The following PLCL1 variants were observed in gnomAD, a reference collection of about 807,000 sequenced individuals.
The protein encoded by PLCL1 is inactive phospholipase C-like protein 1.
A neutral mutation model predicts 84.4 loss-of-function variants in PLCL1; 41 were observed. The ratio of observed to expected loss-of-function variants is 0.49; its 90% CI spans 0.38 to 0.63. The LOEUF is 0.63. Ranked by LOEUF, PLCL1 falls within the 30% of genes least tolerant of loss-of-function variation. The probability of loss-of-function intolerance (pLI) is 0.00; values close to 1 mark genes in which losing one functional copy is unlikely to be tolerated. For synonymous variants in PLCL1, 490 were observed against 488.3 expected, an observed-to-expected ratio of 1.00 and a Z score of -0.05; for missense variants, 1,206 against 1,367.8, an observed-to-expected ratio of 0.88 and a Z score of 1.87.
intron 1 of PLCL1, among the ~76,000 whole-genome samples, chr2:198,069,230 C>T (rs1692406661): frequency 6.6e-6 from 1 of 151,384 alleles, no homozygotes; most frequent in Non-Finnish European, 1.5e-5. Flanking sequence ...GTGGCTCATG[C>T]CTGTAATCCC....
intron 1 of PLCL1, among the ~76,000 whole-genome samples, chr2:197,849,775 C>T (rs1687191378): frequency 6.6e-6 from 1 of 152,024 alleles, no homozygotes; most frequent in Admixed American, 6.6e-5. Flanking sequence ...ATAAAAGGAA[C>T]TGAGCACATC....
At chr2:197,872,082 C>T (rs764755528) in intron 1 of PLCL1, among the ~76,000 whole-genome samples, 9 of 152,116 alleles carry the variant, frequency 5.9e-5, no homozygotes, top group African/African-American at 1.2e-4. Flanking sequence ...GTGAGTAACT[C>T]GGACTAATAT....
chr2:197,977,755 A>T (rs898429812), intron 1 of PLCL1, among the ~76,000 whole-genome samples: 3 of 152,112 alleles, frequency 2.0e-5, no homozygotes, highest in Non-Finnish European at 4.4e-5. Flanking sequence ...TTATTGTAGC[A>T]TTTGGGATCC....
intron 1 of PLCL1, among the ~76,000 whole-genome samples, chr2:197,921,611 T>C (rs1688699986): frequency 6.6e-6 from 1 of 152,210 alleles, no homozygotes; most frequent in Non-Finnish European, 1.5e-5. Context: ...CAAGCATACC[T>C]GTACTTACCC....
At position 197,809,430 on chromosome 2, in the gene PLCL1, C is replaced by T. The variant is rs77367124; in HGVS notation, c.240+4091C>T. Among the ~76,000 whole-genome samples, 1,108 of 152,268 alleles carry T rather than the reference C, an allele frequency of 7.3e-3. 22 individuals are homozygous for T. Among genetic ancestry groups the T allele is most frequent in the African/African-American group, 0.025 (1,041 of 41,526 alleles). On this transcript the variant is annotated intron_variant, in intron 1 of 5. Transcript: ENST00000428675. ...CACGTGAGATAGTGACAGAAGAGTA[C>T]GCATCTTAGGTCCTATGGTTTGTGG... is the stretch of plus-strand genomic sequence containing the variant.
At chr2:197,958,606 G>A (rs1327904535) in intron 1 of PLCL1, among the ~76,000 whole-genome samples, 2 of 152,070 alleles carry the variant, frequency 1.3e-5, no homozygotes, top group Non-Finnish European at 2.9e-5. Context: ...ACTTCAAGAT[G>A]TGACACTCTG....
Position 198,103,952 on chromosome 2 carries a change from A to C in PLCL1, c.3105+16A>C. The C allele has an allele frequency of 3.8e-6, 5 of 1,300,320 alleles. No homozygotes were observed. Among genetic ancestry groups the C allele is most frequent in the Non-Finnish European group, 4.4e-6 (4 of 910,402 alleles). 80.5% of individuals were successfully genotyped at this position (1,300,320 alleles called of 1,614,324 possible). ...AGTATTGAAGGTAGATGAAACACTC[A>C]GATGTCCCCTGTGCCTTTACTTTTC... On this transcript the variant is annotated intron_variant, in intron 5 of 5. Transcript: ENST00000428675.
At chr2:198,047,573 G>T (rs952217233) in intron 1 of PLCL1, among the ~76,000 whole-genome samples, 1 of 152,156 alleles carries the variant, frequency 6.6e-6, no homozygotes, top group Non-Finnish European at 1.5e-5. Flanking sequence ...ATAGGACCTA[G>T]GTAGGGAGGC....
chr2:197,914,056 TAGAG>T (rs775488319), intron 1 of PLCL1, among the ~76,000 whole-genome samples: 4 of 152,252 alleles, frequency 2.6e-5, no homozygotes, highest in Non-Finnish European at 5.9e-5. Context: ...AGACTAGAAA[TAGAG>T]AGAGTTGAAG....
intron 1 of PLCL1, among the ~76,000 whole-genome samples, chr2:197,921,723 CTTT>C (rs1160493373): frequency 1.3e-5 from 2 of 152,176 alleles, no homozygotes; most frequent in East Asian, 1.9e-4. Flanking sequence ...ACATACACTT[CTTT>C]GAGTTTAATG....
At chr2:198,036,885 A>C (rs1436022319) in intron 1 of PLCL1, among the ~76,000 whole-genome samples, 1 of 152,198 alleles carries the variant, frequency 6.6e-6, no homozygotes, top group Admixed American at 6.5e-5. Flanking sequence ...ACCTTGCATA[A>C]AGGTTCTTCC....
At chr2:197,827,798 T>TTAAG (rs1040935625) in intron 1 of PLCL1, among the ~76,000 whole-genome samples, 13 of 152,178 alleles carry the variant, frequency 8.5e-5, no homozygotes, top group African/African-American at 2.9e-4. Flanking sequence ...AGCACTGTTG[T>TTAAG]TAAGTGTTCA....
intron 1 of PLCL1, among the ~76,000 whole-genome samples, chr2:197,822,624 G>C (rs2106419709): frequency 6.6e-6 from 1 of 152,258 alleles, no homozygotes; most frequent in East Asian, 1.9e-4. Flanking sequence ...CCCATTTCAT[G>C]GATGAGGAAG....
intron 1 of PLCL1, among the ~76,000 whole-genome samples, chr2:197,808,894 A>T (rs1690532059): frequency 6.6e-6 from 1 of 152,208 alleles, no homozygotes; most frequent in Non-Finnish European, 1.5e-5. Context: ...GGCAAGGAAG[A>T]ATAGAAATTG....
Position 198,103,916 on chromosome 2 carries a change from T to C in PLCL1, c.3085T>C (p.Trp1029Arg), listed in dbSNP as rs1322889782. Reference protein sequence around the residue: ...KLNKATESFAWNITVLKGQGD... With the variant: ...KLNKATESFARNITVLKGQGD... Reference sequence around the variant, plus strand: ...CAACAAAGCAACTGAGAGCTTTGCTTGGAACATTACAGTATTGAAGGTAGA... The same window carrying C: ...CAACAAAGCAACTGAGAGCTTTGCTCGGAACATTACAGTATTGAAGGTAGA... The change falls in exon 5 of 6, where the codon TGG becomes CGG. Residue 1029 changes from tryptophan (W) to arginine (R), a missense_variant. Physicochemically the swap from Trp to Arg is moderately radical, Grantham distance 101. Coordinates refer to ENST00000428675, the MANE Select transcript of PLCL1 (RefSeq NM_006226.4). 6.3e-7 allele frequency: 1 copy of C among 1,598,732 alleles called. No individual in the cohort carries two copies. The highest frequency in any genetic ancestry group is 1.1e-5 in the South Asian group (1 of 89,714).
Position 198,050,930 on chromosome 2 carries a change from T to C in PLCL1, c.241-32828T>C, listed in dbSNP as rs185577205. Among the ~76,000 whole-genome samples, 4 of 152,336 alleles carry C rather than the reference T, an allele frequency of 2.6e-5. No individual in the cohort carries two copies. In the East Asian group the frequency reaches 7.7e-4, roughly 29 times the overall value. ...GTGAGCTGTGTTTGATTTTCTGAAATTGGGTTTCCGCAAATGGTCATATTT... is the reference window on the plus strand; with the variant it reads ...GTGAGCTGTGTTTGATTTTCTGAAACTGGGTTTCCGCAAATGGTCATATTT... On this transcript the variant is annotated intron_variant, in intron 1 of 5. Coordinates refer to ENST00000428675, the MANE Select transcript of PLCL1 (RefSeq NM_006226.4).
At chr2:198,086,977 T>G (rs941535221) in intron 2 of PLCL1, among the ~76,000 whole-genome samples, 9 of 152,296 alleles carry the variant, frequency 5.9e-5, no homozygotes, top group Non-Finnish European at 1.2e-4. Flanking sequence ...ATAATGTCTA[T>G]TAGGTTACTT....
rs114648307 is a variant in PLCL1, at chr2:197,826,035, T to C, written c.240+20696T>C. ...CTACATAATTTTACGACAGGGTCTA[T>C]ATACTTTCCTAGCAGTTGTACCTGC... On this transcript the variant is annotated intron_variant, in intron 1 of 5. Transcript: ENST00000428675. 3.4e-3 allele frequency among the ~76,000 whole-genome samples: 514 copies of C among 152,272 alleles called. 8 individuals carry two copies. The highest frequency in any genetic ancestry group is 0.012 in the African/African-American group (492 of 41,560).
At chr2:197,840,889 G>T (rs1477780241) in intron 1 of PLCL1, among the ~76,000 whole-genome samples, 2 of 152,170 alleles carry the variant, frequency 1.3e-5, no homozygotes, top group Admixed American at 1.3e-4. Context: ...TCTAGTGGAA[G>T]ATCATGGAAA....
Sources: allele counts gnomAD v4.1 joint callset (sites outside exome capture counted in the v4.1 genomes callset), GRCh38; gene constraint gnomAD v4.1.1; transcripts MANE v1.5; gene names NCBI Gene and HGNC (gene_info 2026-07-23, HGNC 2026-07-21).